LVRN: variants seen among roughly 807,000 people sequenced by gnomAD.
LVRN encodes laeverin, also known as aminopeptidase Q.
A neutral mutation model predicts 111.4 loss-of-function variants in LVRN; 99 were observed. That is an observed-to-expected ratio of 0.89 (90% CI 0.76 to 1.05). The LOEUF (loss-of-function observed/expected upper bound fraction) is 1.05, where lower values mean the gene tolerates loss of function less well. Ranked by LOEUF, LVRN falls within the 50% of genes least tolerant of loss-of-function variation. The pLI, the probability that LVRN is intolerant of heterozygous loss-of-function variation, is 0.00. For synonymous variants in LVRN, 488 were observed against 449.5 expected, an observed-to-expected ratio of 1.09 and a Z score of -1.08; for missense variants, 1,414 against 1,206.8, an observed-to-expected ratio of 1.17 and a Z score of -2.54.
Position 116,026,361 on chromosome 5 carries a change from C to T in LVRN, c.*243C>T. The stretch of plus-strand genomic sequence containing the variant: ...ATGTCACTTCATGTTGGGTTATAAT[C>T]CCACAGAATTTACTTTAAATGTCAC... On this transcript the variant is annotated 3_prime_UTR_variant, in exon 20 of 20. Coordinates refer to ENST00000357872, the MANE Select transcript of LVRN (RefSeq NM_173800.5). 2.0e-6 allele frequency: 1 copy of T among 497,894 alleles called. No homozygotes were observed. Among genetic ancestry groups the T allele is most frequent in the Non-Finnish European group, 3.6e-6 (1 of 280,886 alleles). 30.8% of individuals were successfully genotyped at this position (497,894 alleles called of 1,614,324 possible).
At chr5:115,968,905 T>TG (rs1753260533) in intron 1 of LVRN, among the ~76,000 whole-genome samples, 1 of 152,036 alleles carries the variant, frequency 6.6e-6, no homozygotes, top group Admixed American at 6.6e-5. Context: ...AGAGTGTGAG[T>TG]GGTTATCCAA....
chr5:115,963,375 G>C (rs981260516), intron 1 of LVRN, 63 bp downstream of exon 1: 1 of 1,381,654 alleles, frequency 7.2e-7, no homozygotes, highest in South Asian at 1.5e-5. Flanking sequence ...TGCAGGCTGC[G>C]GGTCCAGCTG....
intron 10 of LVRN, among the ~76,000 whole-genome samples, chr5:116,001,717 A>G (rs1580391793): frequency 6.6e-6 from 1 of 152,112 alleles, no homozygotes; most frequent in South Asian, 2.1e-4. Flanking sequence ...GCGTTTGTGT[A>G]TTTGTAGCCA....
intron 14 of LVRN, among the ~76,000 whole-genome samples, chr5:116,011,431 A>T (rs1219144129): frequency 6.6e-6 from 1 of 152,188 alleles, no homozygotes; most frequent in Non-Finnish European, 1.5e-5. Context: ...GACATGCCAT[A>T]ATAAATGAAA....
chr5:115,964,906 A>G (rs1010363325), intron 1 of LVRN, among the ~76,000 whole-genome samples: 1 of 152,218 alleles, frequency 6.6e-6, no homozygotes, highest in Non-Finnish European at 1.5e-5. Flanking sequence ...TGAAACCACA[A>G]GGAAAAGACA....
At position 115,984,578 on chromosome 5, in the gene LVRN, G is replaced by C. The variant is rs1268154862; in HGVS notation, c.847G>C (p.Glu283Gln). Residue 283 changes from glutamate to glutamine, a missense_variant, in exon 3 of 20, where the codon GAA becomes CAA. Transcript: ENST00000357872. The stretch of plus-strand genomic sequence containing the variant: ...AAAATAAAATTCTCTAGGTCAGTCT[G>C]AAAAAGAAGATGTGAATGGAAGCAA... ...LSNMPKLGQS[E>Q]KEDVNGSKWT... 1.2e-6 allele frequency: 2 copies of C among 1,613,214 alleles called. No individual in the cohort carries two copies. Among genetic ancestry groups the C allele is most frequent in the African/African-American group, 2.7e-5 (2 of 74,862 alleles).
At chr5:116,022,329 A>G in intron 18 of LVRN, 62 bp from the exon 19 acceptor site, 1 of 1,175,828 alleles carries the variant, frequency 8.5e-7, no homozygotes, top group Non-Finnish European at 1.3e-6. Flanking sequence ...TCTGCTATAT[A>G]AAATATAGCT....
chr5:115,997,786 T>G (rs1433958746), intron 6 of LVRN, among the ~76,000 whole-genome samples: 1 of 152,236 alleles, frequency 6.6e-6, no homozygotes, highest in African/African-American at 2.4e-5. Context: ...ATAGTTTTTT[T>G]TAAAGCTGAC....
Position 116,015,314 on chromosome 5 carries a change from AG to A in LVRN, c.2514del (p.Glu838AspfsTer6). On this transcript the variant is annotated frameshift_variant, in exon 17 of 20. Coordinates refer to ENST00000357872, the MANE Select transcript of LVRN (RefSeq NM_173800.5). LOFTEE classifies it high-confidence loss of function. ...GGCATTGCCTTGGGAAGTGATAAAGAGTGGGACATCTTGTTAAATACTTACA... is the reference window on the plus strand; with the variant it reads ...GGCATTGCCTTGGGAAGTGATAAAGATGGGACATCTTGTTAAATACTTACA... ...CYGIALGSDK[E>X]WDILLNTYTN... 6.2e-7 allele frequency: 1 copy of A among 1,612,480 alleles called. No homozygotes were observed. Among genetic ancestry groups the A allele is most frequent in the Non-Finnish European group, 8.5e-7 (1 of 1,179,306 alleles).
intron 3 of LVRN, 124 bp downstream of exon 3, chr5:115,984,833 G>A: frequency 5.2e-6 from 7 of 1,354,710 alleles, no homozygotes; most frequent in Non-Finnish European, 7.0e-6. Context: ...TCTCTCCCAA[G>A]CCCTGTAAAA....
chr5:115,990,522 T>G (rs969133685), intron 4 of LVRN, among the ~76,000 whole-genome samples: 1 of 152,194 alleles, frequency 6.6e-6, no homozygotes, highest in Non-Finnish European at 1.5e-5. Flanking sequence ...GATTATTATT[T>G]GCCTTTCAAA....
In LVRN at chr5:116,010,828, G is replaced by C. The variant is rs1263414263; in HGVS notation, c.2181G>C (p.Leu727Phe). The change falls in exon 14 of 20, where the codon TTG (leucine) becomes TTC (phenylalanine). Residue 727 changes from leucine (L) to phenylalanine (F), a missense_variant. Coordinates refer to ENST00000357872, the MANE Select transcript of LVRN (RefSeq NM_173800.5). ...AAATTATAGTATGGCATACAGTCTT[G>C]GTAAACTTGGTAACCAGGGATCTTG... The part of the protein sequence containing the change: ...EDEIIVWHTV[L>F]VNLVTRDLVS... The C allele has an allele frequency of 1.2e-6, 2 of 1,611,622 alleles. No homozygotes were observed. Among genetic ancestry groups the C allele is most frequent in the South Asian group, 2.2e-5 (2 of 90,722 alleles).
chr5:116,000,329 A>G, intron 7 of LVRN, 104 bp from the exon 8 acceptor site: 1 of 1,468,114 alleles, frequency 6.8e-7, no homozygotes, highest in Non-Finnish European at 9.5e-7. Flanking sequence ...AAAATGCAAA[A>G]TGCAATCAGG....
chr5:115,989,989 G>A (rs1285214542), intron 4 of LVRN, among the ~76,000 whole-genome samples: 4 of 152,144 alleles, frequency 2.6e-5, no homozygotes, highest in Admixed American at 2.6e-4. Flanking sequence ...CTCTGAGGAG[G>A]TGAGTTGGGT....
chr5:116,014,668 T>G, intron 16 of LVRN, 141 bp downstream of exon 16: 1 of 676,392 alleles, frequency 1.5e-6, no homozygotes, highest in Non-Finnish European at 2.5e-6. Flanking sequence ...TTCAAATACC[T>G]TTTTTAAAAA....
At chr5:115,975,753 T>C (rs1267568971) in intron 1 of LVRN, 1 of 152,964 alleles carries the variant, frequency 6.5e-6, no homozygotes, top group Non-Finnish European at 1.5e-5. Flanking sequence ...ATTTTTCACG[T>C]CATCACACAT....
chr5:116,018,632 A>G (rs889770846), intron 18 of LVRN, among the ~76,000 whole-genome samples: 4 of 151,964 alleles, frequency 2.6e-5, no homozygotes, highest in African/African-American at 9.7e-5. Context: ...AGATCACACC[A>G]TTGCCCTCCA....
In LVRN at chr5:115,983,274, A is replaced by C. The variant is rs748931129; in HGVS notation, c.696-13A>C. 8.4e-6 allele frequency: 13 copies of C among 1,548,432 alleles called. No homozygotes were observed. The highest frequency in any genetic ancestry group is 3.4e-4 in the Middle Eastern group (2 of 5,808). ...ATAAAAATAAATAAAAATTTCCCCA[A>C]AATGTATTTCAGGGCCCTGTTAGCG... On this transcript the variant is annotated splice_polypyrimidine_tract_variant and intron_variant, in intron 1 of 19. Coordinates refer to ENST00000357872, the MANE Select transcript of LVRN (RefSeq NM_173800.5).
rs1748197467 is a variant in LVRN at position 115,999,794 on chromosome 5, T to C, written c.1407T>C (p.Asn469=). The change falls in exon 7 of 20, where the codon AAT becomes AAC. Residue 469 remains asparagine (N), a synonymous_variant. Coordinates refer to ENST00000357872, the MANE Select transcript of LVRN (RefSeq NM_173800.5). ...TCTTTTTTTCTAACATTTTACATAA[T>C]ATCCTCAGAGAAGATCACGCCCTGG... is the stretch of plus-strand genomic sequence containing the variant. The part of the protein sequence containing the change: ...NEIFFSNILH[N]ILREDHALVT... 1 of 1,613,072 alleles carries C rather than the reference T, an allele frequency of 6.2e-7. No individual in the cohort carries two copies. Among genetic ancestry groups the C allele is most frequent in the Non-Finnish European group, 8.5e-7 (1 of 1,179,442 alleles).
Sources: gnomAD v4.1 joint callset for allele counts (sites outside exome capture counted in the v4.1 genomes callset) on GRCh38, gnomAD v4.1.1 for gene constraint, MANE v1.5 for transcripts, NCBI Gene and HGNC (gene_info 2026-07-23, HGNC 2026-07-21) for gene names.